Variants in ZNF367 observed in about 807,000 individuals in gnomAD.
ZNF367 encodes zinc finger protein 367, also known as C2H2 zinc finger protein ZFF29.
Under a neutral mutation model 31.8 loss-of-function variants are expected in ZNF367, and 11 were observed. The ratio of observed to expected loss-of-function variants is 0.35; its 90% CI spans 0.22 to 0.57. The LOEUF is 0.57. Ranked by LOEUF, ZNF367 falls within the 20% of genes least tolerant of loss-of-function variation. ZNF367 has a pLI of 0.85. For synonymous variants in ZNF367, 199 were observed against 202.4 expected, an observed-to-expected ratio of 0.98 and a Z score of 0.14; for missense variants, 353 against 484.1, an observed-to-expected ratio of 0.73 and a Z score of 2.54.
chr9:96,398,356 G>T, intron 1 of ZNF367, 42 bp from the exon 2 acceptor site: 2 of 1,549,450 alleles, frequency 1.3e-6, no homozygotes, highest in Admixed American at 1.9e-5. Flanking sequence ...TTTATTTAAC[G>T]CTACTCATTA....
At chr9:96,403,526 A>G (rs535944878) in intron 1 of ZNF367, among the ~76,000 whole-genome samples, 28 of 151,988 alleles carry the variant, frequency 1.8e-4, no homozygotes, top group Non-Finnish European at 2.6e-4. Context: ...TCAAGTTCAT[A>G]TGGAATTATA....
intron 1 of ZNF367, among the ~76,000 whole-genome samples, chr9:96,414,662 G>A (rs1024333741): frequency 1.3e-5 from 2 of 152,156 alleles, no homozygotes; most frequent in Non-Finnish European, 2.9e-5. Context: ...ATTTTTAGTA[G>A]AGACAGGGTT....
chr9:96,393,344 T>G (rs1831494561), intron 3 of ZNF367, among the ~76,000 whole-genome samples: 1 of 146,162 alleles, frequency 6.8e-6, no homozygotes, highest in Non-Finnish European at 1.5e-5. Context: ...GCCAACATGG[T>G]CCCCCATCTC....
intron 1 of ZNF367, among the ~76,000 whole-genome samples, chr9:96,404,212 G>A (rs1831642514): frequency 6.6e-6 from 1 of 152,064 alleles, no homozygotes; most frequent in African/African-American, 2.4e-5. Flanking sequence ...TGTAATCCCA[G>A]CACTTTGGGA....
At chr9:96,416,550 A>G (rs1831833395) in intron 1 of ZNF367, among the ~76,000 whole-genome samples, 1 of 152,240 alleles carries the variant, frequency 6.6e-6, no homozygotes, top group South Asian at 2.1e-4. Flanking sequence ...TTGTGACTGC[A>G]TGTAAAATGA....
chr9:96,410,874 C>A (rs529726255), intron 1 of ZNF367, among the ~76,000 whole-genome samples: 1 of 150,606 alleles, frequency 6.6e-6, no homozygotes, highest in Non-Finnish European at 1.5e-5. Flanking sequence ...GAGACTCTGT[C>A]AAAAACAAAA....
chr9:96,417,982 C>A lies in ZNF367; in HGVS notation c.51G>T (p.Pro17=). ...AGTCGTGGCAGAAGATGACGGGCGG[C>A]GGCGGCGGCGGCGGGTTCTCCGCCA... ...APMAENPPPP[P]PPVIFCHDSP... Residue 17 remains proline (P), a synonymous_variant, in exon 1 of 5, where the codon CCG becomes CCT. Coordinates refer to ENST00000375256, the MANE Select transcript of ZNF367 (RefSeq NM_153695.4). The surrounding 1 kb of genome is among the most constrained non-coding windows in gnomAD (Gnocchi z 5.0). 7.0e-7 allele frequency: 1 copy of A among 1,427,514 alleles called. No individual in the cohort carries two copies. Among genetic ancestry groups the A allele is most frequent in the Non-Finnish European group, 9.1e-7 (1 of 1,097,080 alleles). 88.4% of individuals were successfully genotyped at this position (1,427,514 alleles called of 1,614,324 possible). A position where few individuals can be genotyped will look rare whatever the true frequency, so the allele number is the denominator to read the frequency against.
intron 3 of ZNF367, among the ~76,000 whole-genome samples, chr9:96,393,826 C>T (rs1234398768): frequency 3.3e-5 from 5 of 152,128 alleles, no homozygotes; most frequent in African/African-American, 9.7e-5. Flanking sequence ...AGCAAAACTC[C>T]GTCTCAAAAA....
intron 1 of ZNF367, among the ~76,000 whole-genome samples, chr9:96,405,376 A>G (rs1044274794): frequency 3.3e-5 from 5 of 152,092 alleles, no homozygotes; most frequent in Admixed American, 3.3e-4. Context: ...ATGCTAATTG[A>G]AACCACAATG....
At position 96,386,565 on chromosome 9, in the gene ZNF367, C is replaced by T. The variant is rs1472835631; in HGVS notation, c.*1672G>A. The T allele has an allele frequency of 6.6e-6, 1 of 151,630 alleles. No homozygotes were observed. The highest frequency in any genetic ancestry group is 1.5e-5 in the Non-Finnish European group (1 of 67,724). 9.4% of individuals were successfully genotyped at this position (151,630 alleles called of 1,614,324 possible). A position where few individuals can be genotyped will look rare whatever the true frequency, so the allele number is the denominator to read the frequency against. Reference sequence around the variant, plus strand: ...CTATATACCACATTACAAAAAAATTCTTAGACCATTACAAATATAAATTCT... The same window carrying T: ...CTATATACCACATTACAAAAAAATTTTTAGACCATTACAAATATAAATTCT... On this transcript the variant is annotated 3_prime_UTR_variant, in exon 5 of 5. Coordinates refer to ENST00000375256, the MANE Select transcript of ZNF367 (RefSeq NM_153695.4).
chr9:96,415,221 ATTTTTTT>A (rs775576212), intron 1 of ZNF367, among the ~76,000 whole-genome samples: 4 of 128,890 alleles, frequency 3.1e-5, no homozygotes, highest in Admixed American at 7.9e-5. Context: ...CCCCTGGCCA[ATTTTTTT>A]TTTTTTTTTT....
At chr9:96,407,422 G>A (rs1831684866) in intron 1 of ZNF367, 12 of 1,448,214 alleles carry the variant, frequency 8.3e-6, no homozygotes, top group Admixed American at 5.0e-5. Context: ...TGGTCTGAAG[G>A]CTAAGCTTTA....
chr9:96,407,569 G>A (rs1831686851), intron 1 of ZNF367: 4 of 1,423,036 alleles, frequency 2.8e-6, no homozygotes, highest in East Asian at 2.3e-5. Flanking sequence ...GGACAGAGAG[G>A]GACAATCTCG....
chr9:96,402,619 A>ATTTTT (rs61651699), intron 1 of ZNF367, among the ~76,000 whole-genome samples: 9 of 70,198 alleles, frequency 1.3e-4, no homozygotes, highest in Non-Finnish European at 1.7e-4. Flanking sequence ...CGCCTGGCTA[A>ATTTTT]TTTTTTTTTT....
chr9:96,395,924 C>T (rs1831524612), intron 2 of ZNF367, among the ~76,000 whole-genome samples: 2 of 152,260 alleles, frequency 1.3e-5, no homozygotes, highest in South Asian at 2.1e-4. Flanking sequence ...CATTAGTTTG[C>T]ATTTTCCAGT....
chr9:96,409,876 T>C (rs1831719721), intron 1 of ZNF367, among the ~76,000 whole-genome samples: 1 of 152,238 alleles, frequency 6.6e-6, no homozygotes. Flanking sequence ...TCATGAATAA[T>C]TGTTTTAATA....
At chr9:96,405,871 T>C (rs1831666022) in intron 1 of ZNF367, among the ~76,000 whole-genome samples, 1 of 152,212 alleles carries the variant, frequency 6.6e-6, no homozygotes, top group Non-Finnish European at 1.5e-5. Context: ...TCTTAGAACA[T>C]TATGAATGTA....
Position 96,418,224 on chromosome 9 carries a change from G to T in ZNF367, c.-192C>A. On this transcript the variant is annotated 5_prime_UTR_variant, in exon 1 of 5. The change creates a new upstream start codon in the 5' untranslated region. Coordinates refer to ENST00000375256, the MANE Select transcript of ZNF367 (RefSeq NM_153695.4). ...CACCGGCGGGCAGGGCTGGACCCCA[G>T]CCCCAGGTCAAGCGCGCCCTCCGCT... is the stretch of plus-strand genomic sequence containing the variant. 1.2e-6 allele frequency: 1 copy of T among 835,796 alleles called. No homozygotes were observed. The highest frequency in any genetic ancestry group is 1.6e-6 in the Non-Finnish European group (1 of 624,244). 51.8% of individuals were successfully genotyped at this position (835,796 alleles called of 1,614,324 possible).
At chr9:96,402,740 G>C (rs1430792277) in intron 1 of ZNF367, among the ~76,000 whole-genome samples, 3 of 149,748 alleles carry the variant, frequency 2.0e-5, no homozygotes, top group Admixed American at 6.7e-5. Context: ...CCGGAGTGTT[G>C]GGATTACAGG....
Sources: allele counts gnomAD v4.1 joint callset (sites outside exome capture counted in the v4.1 genomes callset), GRCh38; gene constraint gnomAD v4.1.1; non-coding constraint Gnocchi (gnomAD v3.1); transcripts MANE v1.5; gene names NCBI Gene and HGNC (gene_info 2026-07-23, HGNC 2026-07-21).